The following PATJ variants were observed in gnomAD, a reference collection of about 807,000 sequenced individuals.
The protein encoded by PATJ is inaD-like protein.
In PATJ, 190 loss-of-function variants were observed where a neutral mutation model predicts 224.9. That is an observed-to-expected ratio of 0.84 (90% CI 0.75 to 0.95). The LOEUF (loss-of-function observed/expected upper bound fraction) is 0.95. Among genes scored for constraint, PATJ ranks in the 40% least tolerant of loss-of-function variants. The pLI, the probability that PATJ is intolerant of heterozygous loss-of-function variation, is 0.00. For synonymous variants in PATJ, 769 were observed against 820.3 expected (o/e 0.94, Z 1.07); for missense variants, 2,121 against 2,270.3 (o/e 0.93, Z 1.34).
At chr1:62,139,887 A>G (rs1017373284) in intron 41 of PATJ, among the ~76,000 whole-genome samples, 1 of 151,648 alleles carries the variant, frequency 6.6e-6, no homozygotes, top group Non-Finnish European at 1.5e-5. Flanking sequence ...AGCCTCCCAA[A>G]TAGCTGGGGC....
At chr1:61,830,872 A>G (rs1659177451) in intron 16 of PATJ, among the ~76,000 whole-genome samples, 1 of 152,112 alleles carries the variant, frequency 6.6e-6, no homozygotes, top group Non-Finnish European at 1.5e-5. Context: ...CCATATACAA[A>G]AATCAGCTCA....
chr1:62,139,859 G>A (rs890309194), intron 41 of PATJ, among the ~76,000 whole-genome samples: 26 of 151,264 alleles, frequency 1.7e-4, no homozygotes, highest in Non-Finnish European at 3.2e-4. Flanking sequence ...TCCCGGGCTC[G>A]GGTGATCATC....
At chr1:61,796,690 CTT>C (rs767765570) in intron 10 of PATJ, among the ~76,000 whole-genome samples, 1 of 32,252 alleles carries the variant, frequency 3.1e-5, no homozygotes, top group African/African-American at 8.2e-5. Context: ...TTCTTTCTTT[CTT>C]TCTTTCTTTC....
intron 27 of PATJ, among the ~76,000 whole-genome samples, chr1:61,963,504 G>A (rs559121570): frequency 6.6e-6 from 1 of 152,138 alleles, no homozygotes; most frequent in East Asian, 1.9e-4. Flanking sequence ...GCTAAGGCAG[G>A]AGAATCACTA....
intron 26 of PATJ, among the ~76,000 whole-genome samples, chr1:61,918,950 C>T (rs1673868966): frequency 6.6e-6 from 1 of 150,776 alleles, no homozygotes. Context: ...AGGGCAAAAC[C>T]CTGTCTCAAA....
intron 42 of PATJ, among the ~76,000 whole-genome samples, chr1:62,150,108 C>T (rs1334964235): frequency 1.3e-5 from 2 of 152,228 alleles, no homozygotes; most frequent in South Asian, 2.1e-4. Context: ...AAACATGAAT[C>T]GAATTTGTAT....
chr1:61,869,097 A>ATTTT (rs113334846), intron 20 of PATJ, among the ~76,000 whole-genome samples: 8 of 125,512 alleles, frequency 6.4e-5, no homozygotes, highest in African/African-American at 9.4e-5. Context: ...TGGAAATAAC[A>ATTTT]TTTTTTTTTT....
intron 31 of PATJ, among the ~76,000 whole-genome samples, chr1:62,076,361 G>A (rs1435113835): frequency 1.3e-5 from 2 of 151,364 alleles, no homozygotes; most frequent in East Asian, 3.9e-4. Context: ...ATGAAACAGG[G>A]TTGAAAACCA....
intron 20 of PATJ, among the ~76,000 whole-genome samples, chr1:61,869,294 G>A (rs189347552): frequency 0.013 from 2,027 of 151,718 alleles, 15 homozygotes; most frequent in Non-Finnish European, 0.02. Flanking sequence ...TTTTAGTAGA[G>A]ACGGGGTTTC....
chr1:62,051,249 A>G (rs1393727487), intron 31 of PATJ, among the ~76,000 whole-genome samples, 191 bp downstream of exon 31: 1 of 152,162 alleles, frequency 6.6e-6, no homozygotes, highest in Non-Finnish European at 1.5e-5. Context: ...TACCTTGGCA[A>G]CACTTGAATT....
chr1:61,900,220 T>C (rs766426854), intron 23 of PATJ, among the ~76,000 whole-genome samples: 1 of 152,230 alleles, frequency 6.6e-6, no homozygotes, highest in Non-Finnish European at 1.5e-5. Context: ...CCATTATTAA[T>C]GGATATCTCC....
intron 10 of PATJ, 44 bp from the exon 11 acceptor site, chr1:61,797,243 A>G (rs1159263039): frequency 1.3e-6 from 2 of 1,577,668 alleles, no homozygotes; most frequent in Non-Finnish European, 1.7e-6. Flanking sequence ...TAAAAATAGT[A>G]GCTAATTTAA....
At position 62,059,075 on chromosome 1, in the gene PATJ, C is replaced by T. The variant is rs1007266232; in HGVS notation, c.4125+8017C>T. Among the ~76,000 whole-genome samples, 8 of 152,216 alleles carry T rather than the reference C, an allele frequency of 5.3e-5. No homozygotes were observed. In the East Asian group the frequency reaches 1.5e-3, roughly 29 times the overall value. ...CCTTTTCATTCTTCTCTAATGCAGC[C>T]TGCTTCCCTAATGGCATCACCTGTA... On this transcript the variant is annotated intron_variant, in intron 31 of 43. Coordinates refer to ENST00000642238, the MANE Select transcript of PATJ (RefSeq NM_001350145.3).
intron 1 of PATJ, among the ~76,000 whole-genome samples, chr1:61,747,739 C>A (rs964182577): frequency 2.0e-5 from 3 of 151,978 alleles, no homozygotes; most frequent in African/African-American, 4.8e-5. Flanking sequence ...AAAACAAAAC[C>A]AAACAGGGAT....
chr1:61,759,931 TA>T (rs1356983852), intron 1 of PATJ, among the ~76,000 whole-genome samples: 1 of 152,246 alleles, frequency 6.6e-6, no homozygotes, highest in African/African-American at 2.4e-5. Flanking sequence ...AAACTATTAT[TA>T]ATCTCTAATA....
At chr1:61,939,676 CTTTTTTTTTTT>C (rs71050183) in intron 27 of PATJ, among the ~76,000 whole-genome samples, 5 of 58,874 alleles carry the variant, frequency 8.5e-5, no homozygotes, top group African/African-American at 2.8e-4. Context: ...TTTCTATGTG[CTTTTTTTTTTT>C]TTTTTTTTTT....
At chr1:62,149,725 C>T (rs1668432258) in intron 42 of PATJ, among the ~76,000 whole-genome samples, 1 of 151,784 alleles carries the variant, frequency 6.6e-6, no homozygotes, top group Non-Finnish European at 1.5e-5. Context: ...GCTATAATTC[C>T]ATGCCTCTGG....
chr1:62,087,325 C>G (rs1271730505), intron 33 of PATJ, among the ~76,000 whole-genome samples: 25 of 151,944 alleles, frequency 1.6e-4, no homozygotes, highest in Admixed American at 1.6e-3. Flanking sequence ...TCTCCTCAGT[C>G]AAGCTGCTTC....
At chr1:61,807,150 A>AAAAACAAAACAAAAC (rs902486917) in intron 13 of PATJ, among the ~76,000 whole-genome samples, 1 of 152,172 alleles carries the variant, frequency 6.6e-6, no homozygotes, top group South Asian at 2.1e-4. Context: ...ACTCCACCTC[A>AAAAACAAAACAAAAC]AAAACAAAAC....
Sources: gnomAD v4.1 joint callset for allele counts (sites outside exome capture counted in the v4.1 genomes callset) on GRCh38, gnomAD v4.1.1 for gene constraint, MANE v1.5 for transcripts, NCBI Gene and HGNC (gene_info 2026-07-23, HGNC 2026-07-21) for gene names.